Variants in NAV2 observed in about 807,000 individuals in gnomAD.
The protein encoded by NAV2 is helicase, APC down-regulated 1.
A neutral mutation model predicts 223.2 loss-of-function variants in NAV2; 54 were observed. That is an observed-to-expected ratio of 0.24 (90% CI 0.19 to 0.30). NAV2 has a LOEUF of 0.30. Ranked by LOEUF, NAV2 falls within the 10% of genes least tolerant of loss-of-function variation. NAV2 has a pLI of 1.00. For synonymous variants in NAV2, 1,279 were observed against 1,239.3 expected (o/e 1.03, Z -0.67); for missense variants, 2,806 against 3,147.5 (o/e 0.89, Z 2.60).
intron 1 of NAV2, among the ~76,000 whole-genome samples, chr11:19,643,301 C>T (rs562099939): frequency 2.0e-5 from 3 of 149,874 alleles, no homozygotes; most frequent in Non-Finnish European, 3.0e-5. Context: ...TCTCCTAATG[C>T]TATCCCTCCC....
intron 1 of NAV2, among the ~76,000 whole-genome samples, chr11:19,566,071 TATTTTA>T (rs956930078): frequency 2.1e-5 from 3 of 142,800 alleles, no homozygotes; most frequent in South Asian, 2.1e-4. Context: ...TATTTTATTT[TATTTTA>T]TTTTTTTGTG....
At chr11:19,775,895 A>G (rs1382631035) in intron 1 of NAV2, among the ~76,000 whole-genome samples, 2 of 152,242 alleles carry the variant, frequency 1.3e-5, no homozygotes, top group South Asian at 2.1e-4. Context: ...GTGGGAGACC[A>G]GGTTGCAGGT....
chr11:19,947,182 T>C (rs2047002074), intron 9 of NAV2, among the ~76,000 whole-genome samples: 1 of 152,218 alleles, frequency 6.6e-6, no homozygotes, highest in Admixed American at 6.5e-5. Context: ...GTTTCTTTGA[T>C]AAGTGGCTAT....
At chr11:20,075,222 GTTTT>G (rs759061256) in intron 22 of NAV2, among the ~76,000 whole-genome samples, 2 of 111,036 alleles carry the variant, frequency 1.8e-5, no homozygotes, top group African/African-American at 7.8e-5. Context: ...TTTTTGTTTT[GTTTT>G]TTTTTTTTTT....
chr11:19,517,710 G>T (rs993254386), intron 1 of NAV2, among the ~76,000 whole-genome samples: 4 of 152,240 alleles, frequency 2.6e-5, no homozygotes, highest in Non-Finnish European at 5.9e-5. Flanking sequence ...GCTCCTAAAG[G>T]AGTGGTTCTC....
In NAV2 at chr11:19,639,854, G is replaced by A. The variant is rs1201078822; in HGVS notation, c.76-192630G>A. ...GGAGTGGGAAGTGGAGAAAATGTGG[G>A]GATACCCCCCTAGAAACTGGTAGCA... is the stretch of plus-strand genomic sequence containing the variant. On this transcript the variant is annotated intron_variant, in intron 1 of 37. Transcript: ENST00000360655. 2.0e-5 allele frequency among the ~76,000 whole-genome samples: 3 copies of A among 152,132 alleles called. No homozygotes were observed. In the East Asian group the frequency reaches 5.8e-4, roughly 29 times the overall value.
intron 1 of NAV2, among the ~76,000 whole-genome samples, chr11:19,401,286 G>T (rs1289901164): frequency 2.0e-5 from 3 of 152,200 alleles, no homozygotes; most frequent in African/African-American, 7.2e-5. Flanking sequence ...GGATATTCAT[G>T]TAAAATATAA....
At chr11:19,474,638 T>C (rs1231661868) in intron 1 of NAV2, among the ~76,000 whole-genome samples, 1 of 152,212 alleles carries the variant, frequency 6.6e-6, no homozygotes, top group African/African-American at 2.4e-5. Flanking sequence ...GCCTTATCTG[T>C]AATGCTGTAT....
chr11:19,905,381 T>C (rs1363961464), intron 6 of NAV2, among the ~76,000 whole-genome samples: 2 of 152,140 alleles, frequency 1.3e-5, no homozygotes, highest in African/African-American at 4.8e-5. Context: ...CTTGCCCTCA[T>C]CTAAGAGCCA....
rs371464071 is a variant in NAV2 at position 20,105,542 on chromosome 11, G to A, written c.6656G>A (p.Cys2219Tyr). The A allele has an allele frequency of 6.2e-7, 1 of 1,613,474 alleles. No homozygotes were observed. Among genetic ancestry groups the A allele is most frequent in the Non-Finnish European group, 8.5e-7 (1 of 1,179,648 alleles). The change falls in exon 35 of 38, where the codon TGT becomes TAT. Residue 2219 changes from cysteine to tyrosine, a missense_variant. By Grantham distance (194) the Cys-to-Tyr change is radical. Around this residue, in one of 4 missense-constraint regions of NAV2, gnomAD observed 824 missense variants for 1,069.4 expected, o/e 0.77. Coordinates refer to ENST00000349880, the MANE Select transcript of NAV2 (RefSeq NM_145117.5). Reference sequence around the variant, plus strand: ...CTGACTTCCTCCAGATGGGTGCTTTGTGCCAACCACACGGAGCCTGTGAAG... The same window carrying A: ...CTGACTTCCTCCAGATGGGTGCTTTATGCCAACCACACGGAGCCTGTGAAG... ...QLHHNFRWVL[C>Y]ANHTEPVKGF...
intron 11 of NAV2, among the ~76,000 whole-genome samples, chr11:20,024,446 CTG>C (rs1180578052): frequency 6.6e-6 from 1 of 152,166 alleles, no homozygotes; most frequent in African/African-American, 2.4e-5. Context: ...CCCTGGAACT[CTG>C]GGTCTGCTTC....
At chr11:20,116,318 T>C (rs2063087149) in intron 37 of NAV2, among the ~76,000 whole-genome samples, 1 of 152,222 alleles carries the variant, frequency 6.6e-6, no homozygotes, top group Non-Finnish European at 1.5e-5. Context: ...TCCTACTGTT[T>C]GGTGGGATGT....
Position 19,923,406 on chromosome 11 carries a change from GACT to G in NAV2, c.932-9765_932-9763del, listed in dbSNP as rs201119383. On this transcript the variant is annotated intron_variant, in intron 6 of 37. Transcript: ENST00000349880. The stretch of plus-strand genomic sequence containing the variant: ...CCTGTAGACAAAAAAAAAATTATTT[GACT>G]ACTATTTAGACCTCCATTTTCCAAA... Among the ~76,000 whole-genome samples, 228 of 150,574 alleles carry G rather than the reference GACT, an allele frequency of 1.5e-3. 5 individuals carry two copies. In the East Asian group the frequency reaches 0.031, roughly 21 times the overall value.
intron 1 of NAV2, among the ~76,000 whole-genome samples, chr11:19,540,333 C>G (rs1466549621): frequency 1.3e-5 from 2 of 152,202 alleles, no homozygotes; most frequent in Non-Finnish European, 2.9e-5. Flanking sequence ...TTTCATTCTT[C>G]ACAACAAAAT....
At chr11:19,944,446 C>T (rs994517614) in intron 8 of NAV2, among the ~76,000 whole-genome samples, 2 of 151,886 alleles carry the variant, frequency 1.3e-5, no homozygotes, top group African/African-American at 2.4e-5. Flanking sequence ...GCTTTCCTTT[C>T]CTTTTCTTCT....
chr11:19,503,407 A>G (rs886634160), intron 1 of NAV2: 6 of 152,214 alleles, frequency 3.9e-5, no homozygotes, highest in Admixed American at 1.3e-4. Flanking sequence ...TTATGGTATC[A>G]TACACAGTAG....
chr11:19,761,192 T>C lies in NAV2; in HGVS notation c.267+47230T>C, dbSNP rs192706158. ...GAGAGGGCAGTCTGGAGGCCTTTTTTCTTGGGGGAGTTATTCACTCATTTA... is the reference window on the plus strand; with the variant it reads ...GAGAGGGCAGTCTGGAGGCCTTTTTCCTTGGGGGAGTTATTCACTCATTTA... On this transcript the variant is annotated intron_variant, in intron 1 of 37. Coordinates refer to ENST00000349880, the MANE Select transcript of NAV2 (RefSeq NM_145117.5). 4.5e-3 allele frequency among the ~76,000 whole-genome samples: 686 copies of C among 152,252 alleles called. 4 individuals carry two copies. Among genetic ancestry groups the C allele is most frequent in the African/African-American group, 0.016 (650 of 41,556 alleles).
At chr11:19,775,985 A>G (rs901500857) in intron 1 of NAV2, among the ~76,000 whole-genome samples, 1 of 152,206 alleles carries the variant, frequency 6.6e-6, no homozygotes, top group Non-Finnish European at 1.5e-5. Context: ...AAGTTGATCT[A>G]ATTGCCATGT....
In NAV2 at chr11:19,713,985, G is replaced by A; in HGVS notation, c.267+23G>A. 6.2e-7 allele frequency: 1 copy of A among 1,611,748 alleles called. No homozygotes were observed. Among genetic ancestry groups the A allele is most frequent in the Non-Finnish European group, 8.5e-7 (1 of 1,179,326 alleles). ...CAGGTGAGAGATGCCGTTTGCCGGG[G>A]TACTGTTCTGGAAGGATGGATGAAT... On this transcript the variant is annotated intron_variant, in intron 1 of 37. Transcript: ENST00000349880. This position sits in a 1 kb window ranked among gnomAD's most constrained non-coding sequence, Gnocchi z 7.2.
Sources: gnomAD v4.1 joint callset for allele counts (sites outside exome capture counted in the v4.1 genomes callset) on GRCh38, gnomAD v4.1.1 for gene constraint, gnomAD v4.1.1 regional missense constraint, Gnocchi (gnomAD v3.1) non-coding constraint, MANE v1.5 for transcripts, NCBI Gene and HGNC (gene_info 2026-07-23, HGNC 2026-07-21) for gene names.